The following FREM3 variants were observed in gnomAD, a reference collection of about 807,000 sequenced individuals.
FREM3 encodes the protein FRAS1-related extracellular matrix protein 3.
FREM3 carries 105 observed loss-of-function variants against 129.1 expected under a neutral mutation model. That is an observed-to-expected ratio of 0.81 (90% confidence interval 0.69 to 0.96). The LOEUF is 0.96. Among genes scored for constraint, FREM3 ranks in the 40% least tolerant of loss-of-function variants. The probability of loss-of-function intolerance (pLI) is 0.00; values close to 1 mark genes in which losing one functional copy is unlikely to be tolerated. For missense variants in FREM3, 2,593 were observed against 2,666.3 expected (o/e 0.97, Z 0.61); for synonymous variants, 1,014 against 1,044.9 (o/e 0.97, Z 0.57).
chr4:143,589,345 G>GT (rs1334028227), intron 6 of FREM3, among the ~76,000 whole-genome samples: 1 of 152,126 alleles, frequency 6.6e-6, no homozygotes, highest in African/African-American at 2.4e-5. Flanking sequence ...TATTGCCTAG[G>GT]TTTTTTTCTA....
intron 2 of FREM3, among the ~76,000 whole-genome samples, chr4:143,676,695 C>T (rs916334540): frequency 4.6e-5 from 7 of 152,158 alleles, no homozygotes; most frequent in South Asian, 2.1e-4. Flanking sequence ...TCAGCAAAGT[C>T]TCAGGATACA....
intron 3 of FREM3, among the ~76,000 whole-genome samples, chr4:143,626,294 G>T (rs949402744): frequency 6.6e-6 from 1 of 152,138 alleles, no homozygotes; most frequent in African/African-American, 2.4e-5. Context: ...ACCTTATAAA[G>T]CTGAAATCTA....
intron 3 of FREM3, among the ~76,000 whole-genome samples, chr4:143,626,151 G>A (rs1009261244): frequency 2.0e-5 from 3 of 152,154 alleles, no homozygotes; most frequent in Admixed American, 6.5e-5. Flanking sequence ...GTGATGTTGA[G>A]TAGTATTGTG....
rs551556597 is a variant in FREM3 at position 143,660,728 on chromosome 4, T to G, written c.5275+32385A>C. ...TTCCTACCCATGAGCATGGAATGTT[T>G]TTCCATTTTTTTGTATCCTCTTTTA... On this transcript the variant is annotated intron_variant, in intron 2 of 7. Coordinates refer to ENST00000329798, the MANE Select transcript of FREM3 (RefSeq NM_001168235.2). Among the ~76,000 whole-genome samples the G allele has an allele frequency of 8.0e-4, 122 of 152,124 alleles. 1 individual carries two copies. The highest frequency in any genetic ancestry group is 2.8e-3 in the African/African-American group (115 of 41,520).
intron 7 of FREM3, among the ~76,000 whole-genome samples, chr4:143,582,367 G>A (rs556786951): frequency 1.6e-4 from 24 of 151,862 alleles, no homozygotes; most frequent in Non-Finnish European, 2.5e-4. Context: ...ACACTTACAC[G>A]CCATCTACTA....
intron 2 of FREM3, among the ~76,000 whole-genome samples, chr4:143,668,253 G>A (rs1048882433): frequency 6.6e-6 from 1 of 152,106 alleles, no homozygotes; most frequent in Non-Finnish European, 1.5e-5. Context: ...GAAATAAAAA[G>A]CAAATGAAGA....
At chr4:143,667,609 C>G (rs1739887584) in intron 2 of FREM3, among the ~76,000 whole-genome samples, 1 of 152,156 alleles carries the variant, frequency 6.6e-6, no homozygotes. Context: ...GAAGTAGAGA[C>G]CACATGCCAT....
At chr4:143,618,756 C>T (rs1738898122) in intron 5 of FREM3, among the ~76,000 whole-genome samples, 1 of 152,030 alleles carries the variant, frequency 6.6e-6, no homozygotes, top group African/African-American at 2.4e-5. Flanking sequence ...ATTATCCATG[C>T]ATACAGGTTG....
chr4:143,616,548 A>G (rs903221027), intron 5 of FREM3, among the ~76,000 whole-genome samples: 1 of 152,150 alleles, frequency 6.6e-6, no homozygotes, highest in South Asian at 2.1e-4. Flanking sequence ...GCACTTTGGG[A>G]GGCCGAGGCG....
chr4:143,673,695 G>C (rs1159615881), intron 2 of FREM3, among the ~76,000 whole-genome samples: 1 of 152,248 alleles, frequency 6.6e-6, no homozygotes, highest in Non-Finnish European at 1.5e-5. Flanking sequence ...CAGAGGTAGA[G>C]TCTACAGAGG....
chr4:143,699,078 G>A lies in FREM3; in HGVS notation c.1598C>T (p.Pro533Leu), dbSNP rs1269461916. 2.0e-6 allele frequency: 3 copies of A among 1,537,302 alleles called. No homozygotes were observed. Among genetic ancestry groups the A allele is most frequent in the Non-Finnish European group, 2.6e-6 (3 of 1,146,960 alleles). ...ATCATCCACAGGTAGGATGGTGAGG[G>A]GAAAGAGGAAGTCCACTTGGTGGTG... ...DGHHQVDFLF[P>L]LTILPVDDEP... The change falls in exon 1 of 8, where the codon CCC (proline) becomes CTC (leucine). Residue 533 changes from proline to leucine, a missense_variant. Transcript: ENST00000329798. The surrounding 1 kb of genome is among the most constrained non-coding windows in gnomAD (Gnocchi z 4.2).
chr4:143,689,749 G>A (rs537662747), intron 2 of FREM3, among the ~76,000 whole-genome samples: 12 of 151,984 alleles, frequency 7.9e-5, no homozygotes, highest in African/African-American at 2.4e-4. Flanking sequence ...GGATGAGATC[G>A]GAGACTATTA....
chr4:143,663,954 C>A (rs1164718285), intron 2 of FREM3, among the ~76,000 whole-genome samples: 3 of 152,134 alleles, frequency 2.0e-5, no homozygotes, highest in Non-Finnish European at 4.4e-5. Flanking sequence ...TTAAGCACTT[C>A]TCTGTATTGG....
chr4:143,616,357 C>G (rs1272647169), intron 5 of FREM3, among the ~76,000 whole-genome samples: 1 of 152,166 alleles, frequency 6.6e-6, no homozygotes, highest in East Asian at 1.9e-4. Flanking sequence ...TCCCCCCAAA[C>G]CGTCTGAGAT....
rs187776134 is a variant in FREM3, at chr4:143,665,524, T to A, written c.5275+27589A>T. ...GAATACTGTTAGGCCATTTCTGAAA[T>A]TCAGCCCAAGTTCTAGCTAGGTGTT... is the stretch of plus-strand genomic sequence containing the variant. On this transcript the variant is annotated intron_variant, in intron 2 of 7. Transcript: ENST00000329798. Among the ~76,000 whole-genome samples, 21 of 152,232 alleles carry A rather than the reference T, an allele frequency of 1.4e-4. No homozygotes were observed. In the East Asian group the frequency reaches 3.7e-3, roughly 27 times the overall value.
rs1740673015 is a variant in FREM3 at position 143,700,310 on chromosome 4, GC to G, written c.365del (p.Arg122ProfsTer49). 6.5e-7 allele frequency: 1 copy of G among 1,535,410 alleles called. No homozygotes were observed. The highest frequency in any genetic ancestry group is 8.7e-7 in the Non-Finnish European group (1 of 1,146,120). ...PRRFPCTFGP[R>X]QVQYTHFGSH... The stretch of plus-strand genomic sequence containing the variant: ...AGCCGAAGTGAGTGTACTGGACTTG[GC>G]GGGGCCCGAAGGTGCAGGGGAAGCG... On this transcript the variant is annotated frameshift_variant, in exon 1 of 8. Coordinates refer to ENST00000329798, the MANE Select transcript of FREM3 (RefSeq NM_001168235.2). LOFTEE classifies it high-confidence loss of function.
chr4:143,629,341 T>C (rs1321094324), intron 2 of FREM3, among the ~76,000 whole-genome samples: 1 of 152,192 alleles, frequency 6.6e-6, no homozygotes, highest in Non-Finnish European at 1.5e-5. Flanking sequence ...TGATCTATAG[T>C]TGCAAAGAAG....
At position 143,594,250 on chromosome 4, in the gene FREM3, G is replaced by A. The variant is rs570600858; in HGVS notation, c.6029-8257C>T. 3.9e-5 allele frequency among the ~76,000 whole-genome samples: 6 copies of A among 152,260 alleles called. No individual in the cohort carries two copies. The South Asian group carries it at 6.2e-4, about 16-fold the overall frequency. ...ACCCACTGCCCTGCACCCACTGTCC[G>A]ACACTCCCCAGTAAGATGAACCTGG... On this transcript the variant is annotated intron_variant, in intron 6 of 7. Coordinates refer to ENST00000329798, the MANE Select transcript of FREM3 (RefSeq NM_001168235.2).
intron 6 of FREM3, among the ~76,000 whole-genome samples, chr4:143,587,436 C>T (rs1243117988): frequency 1.3e-5 from 2 of 152,118 alleles, no homozygotes; most frequent in Non-Finnish European, 2.9e-5. Context: ...GTGGTAGGGT[C>T]ATTCTTTCTT....
Sources: gnomAD v4.1 joint callset for allele counts (sites outside exome capture counted in the v4.1 genomes callset) on GRCh38, gnomAD v4.1.1 for gene constraint, Gnocchi (gnomAD v3.1) non-coding constraint, MANE v1.5 for transcripts, NCBI Gene and HGNC (gene_info 2026-07-23, HGNC 2026-07-21) for gene names.